The following KCNB2 variants were observed in gnomAD, a reference collection of about 807,000 sequenced individuals.
KCNB2 encodes the protein potassium voltage-gated channel subfamily B member 2.
In KCNB2, 15 loss-of-function variants were observed where a neutral mutation model predicts 61.5. The observed-to-expected ratio is 0.24, with a 90% CI of 0.16 to 0.38. The LOEUF (loss-of-function observed/expected upper bound fraction) is 0.38, where lower values mean the gene tolerates loss of function less well. Among genes scored for constraint, KCNB2 ranks in the 10% least tolerant of loss-of-function variants. The pLI is 1.00. For missense variants in KCNB2, 828 were observed against 1,125.2 expected, an observed-to-expected ratio of 0.74 and a Z score of 3.78; for synonymous variants, 457 against 446.0, an observed-to-expected ratio of 1.02 and a Z score of -0.31.
chr8:72,622,846 G>T (rs1426274539), intron 2 of KCNB2, among the ~76,000 whole-genome samples: 4 of 152,146 alleles, frequency 2.6e-5, no homozygotes, highest in Non-Finnish European at 5.9e-5. Context: ...TTACCTGTAA[G>T]AAAGTCCCGT....
intron 2 of KCNB2, among the ~76,000 whole-genome samples, chr8:72,723,759 C>T (rs1807588596): frequency 6.6e-6 from 1 of 152,188 alleles, no homozygotes; most frequent in African/African-American, 2.4e-5. Flanking sequence ...GTTGGACATG[C>T]ACTCTTTCAG....
At chr8:72,865,657 C>T (rs1805505674) in intron 2 of KCNB2, among the ~76,000 whole-genome samples, 1 of 152,218 alleles carries the variant, frequency 6.6e-6, no homozygotes. Flanking sequence ...AAAAGCTTTA[C>T]TTCTTAAAAG....
chr8:72,802,791 T>A (rs1431959972), intron 2 of KCNB2, among the ~76,000 whole-genome samples: 1 of 152,170 alleles, frequency 6.6e-6, no homozygotes, highest in Non-Finnish European at 1.5e-5. Context: ...CATTATGGTT[T>A]TCATGTTTGG....
chr8:72,928,247 TG>T (rs1806696195), intron 2 of KCNB2, among the ~76,000 whole-genome samples: 1 of 150,764 alleles, frequency 6.6e-6, no homozygotes, highest in African/African-American at 2.5e-5. Context: ...GGCTGGAGTA[TG>T]GTGACGCAAT....
intron 2 of KCNB2, among the ~76,000 whole-genome samples, chr8:72,667,039 GA>G (rs1806486863): frequency 6.6e-6 from 1 of 151,836 alleles, no homozygotes; most frequent in Non-Finnish European, 1.5e-5. Flanking sequence ...GGGATGGAGA[GA>G]GCAGAGAGAG....
At chr8:72,546,056 C>T (rs1378489467) in intron 1 of KCNB2, among the ~76,000 whole-genome samples, 1 of 152,160 alleles carries the variant, frequency 6.6e-6, no homozygotes, top group African/African-American at 2.4e-5. Context: ...GCCCCCTGTT[C>T]TGGCAATAGG....
At chr8:72,787,638 T>C (rs935594354) in intron 2 of KCNB2, among the ~76,000 whole-genome samples, 1 of 152,104 alleles carries the variant, frequency 6.6e-6, no homozygotes, top group Admixed American at 6.6e-5. Context: ...CAACTGGAGA[T>C]TGGAAATGGT....
intron 2 of KCNB2, among the ~76,000 whole-genome samples, chr8:72,823,509 A>T (rs1042751932): frequency 3.9e-5 from 6 of 152,134 alleles, no homozygotes; most frequent in Non-Finnish European, 8.8e-5. Flanking sequence ...CTGGGATTTG[A>T]TACCTGTCAT....
chr8:72,827,864 C>T (rs1223876462), intron 2 of KCNB2, among the ~76,000 whole-genome samples: 3 of 151,142 alleles, frequency 2.0e-5, no homozygotes, highest in Non-Finnish European at 2.9e-5. Flanking sequence ...CCAGGCTAGA[C>T]TCCAATGGCG....
intron 2 of KCNB2, among the ~76,000 whole-genome samples, chr8:72,717,296 G>A (rs1255101711): frequency 6.6e-6 from 1 of 152,158 alleles, no homozygotes; most frequent in Admixed American, 6.5e-5. Context: ...TTTCTTCACA[G>A]AATTGGAAAA....
intron 2 of KCNB2, among the ~76,000 whole-genome samples, chr8:72,801,112 T>G (rs1809118556): frequency 6.6e-6 from 1 of 152,230 alleles, no homozygotes; most frequent in African/African-American, 2.4e-5. Flanking sequence ...TAATGCAAGC[T>G]AAACCCCTGT....
At chr8:72,915,040 G>A (rs1806366628) in intron 2 of KCNB2, among the ~76,000 whole-genome samples, 1 of 151,986 alleles carries the variant, frequency 6.6e-6, no homozygotes, top group South Asian at 2.1e-4. Flanking sequence ...GAGTAGCTGG[G>A]ATTACAGGCA....
intron 1 of KCNB2, among the ~76,000 whole-genome samples, chr8:72,552,715 T>C (rs1355543758): frequency 6.6e-6 from 1 of 152,220 alleles, no homozygotes; most frequent in Non-Finnish European, 1.5e-5. Flanking sequence ...TTGAATGAAC[T>C]ATCTCTTGTT....
At chr8:72,587,115 G>A (rs551803347) in intron 2 of KCNB2, among the ~76,000 whole-genome samples, 1 of 152,288 alleles carries the variant, frequency 6.6e-6, no homozygotes, top group Non-Finnish European at 1.5e-5. Context: ...TACTCAGTAT[G>A]TATAGACTGG....
chr8:72,569,127 C>G (rs1327956122), intron 2 of KCNB2, among the ~76,000 whole-genome samples: 3 of 152,076 alleles, frequency 2.0e-5, no homozygotes, highest in Non-Finnish European at 4.4e-5. Context: ...TTAGCTCAAA[C>G]CAATTTTCAC....
intron 2 of KCNB2, among the ~76,000 whole-genome samples, chr8:72,866,218 G>C (rs370344835): frequency 6.6e-6 from 1 of 152,142 alleles, no homozygotes; most frequent in East Asian, 1.9e-4. Context: ...GAACACACTC[G>C]CATTGCTCTT....
Position 72,604,077 on chromosome 8 carries a change from A to G in KCNB2, c.579+35764A>G, listed in dbSNP as rs370642276. On this transcript the variant is annotated intron_variant, in intron 2 of 2. Transcript: ENST00000523207. ...GTTTAAGCCACCTAGTTTGTGGTAC[A>G]TTGTTATGGCAGCCCTAAGAAATTA... Among the ~76,000 whole-genome samples the G allele has an allele frequency of 5.3e-5, 8 of 152,286 alleles. No individual in the cohort carries two copies. The East Asian group carries it at 7.7e-4, about 15-fold the overall frequency.
At chr8:72,752,167 G>A (rs1808201161) in intron 2 of KCNB2, among the ~76,000 whole-genome samples, 3 of 152,136 alleles carry the variant, frequency 2.0e-5, no homozygotes, top group Non-Finnish European at 2.9e-5. Flanking sequence ...ATAGGTTTAA[G>A]GGAAACATGG....
chr8:72,935,863 ACC>A, intron 2 of KCNB2, 70 bp from the exon 3 acceptor site: 1 of 1,015,446 alleles, frequency 9.8e-7, no homozygotes, highest in South Asian at 1.5e-5. Flanking sequence ...TTAAACAATC[ACC>A]GACCCATCTG....
Sources: allele counts gnomAD v4.1 joint callset (sites outside exome capture counted in the v4.1 genomes callset), GRCh38; gene constraint gnomAD v4.1.1; transcripts MANE v1.5; gene names NCBI Gene and HGNC (gene_info 2026-07-23, HGNC 2026-07-21).